The following SAMD13 variants were observed in gnomAD, a reference collection of about 807,000 sequenced individuals.
SAMD13 encodes sterile alpha motif domain containing 13, also known as sterile alpha motif domain-containing protein 13.
In SAMD13, 9 loss-of-function variants were observed where a neutral mutation model predicts 12.4. The ratio of observed to expected loss-of-function variants is 0.72; its 90% CI spans 0.44 to 1.26. SAMD13 has a LOEUF of 1.26. Among genes scored for constraint, SAMD13 ranks in the 50% most tolerant of loss-of-function variants. The pLI is 0.00. For missense variants in SAMD13, 84 were observed against 119.6 expected, an observed-to-expected ratio of 0.70 and a Z score of 1.39; for synonymous variants, 46 against 45.4, an observed-to-expected ratio of 1.01 and a Z score of -0.05.
intron 3 of SAMD13, among the ~76,000 whole-genome samples, chr1:84,343,233 G>A (rs773015995): frequency 2.0e-4 from 31 of 152,172 alleles, no homozygotes; most frequent in Non-Finnish European, 4.1e-4. Flanking sequence ...TGGAGAAATA[G>A]GAATGCTTTT....
At position 84,339,101 on chromosome 1, in the gene SAMD13, T is replaced by G. The variant is rs946071259; in HGVS notation, c.166-10530T>G. Among the ~76,000 whole-genome samples the G allele has an allele frequency of 7.9e-5, 12 of 152,340 alleles. No individual in the cohort carries two copies. In the South Asian group the frequency reaches 1.2e-3, roughly 16 times the overall value. ...GCTTTAACTTTCTCTTGAACCTCAA[T>G]GATCTTCATGCCTATCTATATTCTG... On this transcript the variant is annotated intron_variant, in intron 3 of 3. Transcript: ENST00000394834.
At chr1:84,349,508 C>T in intron 3 of SAMD13, 123 bp from the exon 4 acceptor site, 1 of 1,470,324 alleles carries the variant, frequency 6.8e-7, no homozygotes, top group South Asian at 1.5e-5. Flanking sequence ...GGCACTACTA[C>T]AAATGTAATG....
At chr1:84,333,817 G>T (rs1043041743) in intron 3 of SAMD13, among the ~76,000 whole-genome samples, 1 of 152,020 alleles carries the variant, frequency 6.6e-6, no homozygotes, top group Non-Finnish European at 1.5e-5. Context: ...TGACCTTGTG[G>T]CTTGGGGTTT....
chr1:84,345,793 A>G (rs1024826120), intron 3 of SAMD13, among the ~76,000 whole-genome samples: 1 of 152,212 alleles, frequency 6.6e-6, no homozygotes, highest in African/African-American at 2.4e-5. Context: ...CCTAGTATAG[A>G]TTAATGCTGG....
intron 2 of SAMD13, among the ~76,000 whole-genome samples, chr1:84,317,463 G>C (rs550431380): frequency 6.6e-6 from 1 of 151,804 alleles, no homozygotes; most frequent in South Asian, 2.1e-4. Flanking sequence ...TTAGACGATC[G>C]TGTGATTTTT....
intron 2 of SAMD13, among the ~76,000 whole-genome samples, chr1:84,324,525 T>G (rs1484383138): frequency 6.6e-6 from 1 of 152,200 alleles, no homozygotes; most frequent in Non-Finnish European, 1.5e-5. Context: ...TACATTTACT[T>G]GTATGATTAT....
chr1:84,342,855 T>TGGTGGG (rs1679459072), intron 3 of SAMD13, among the ~76,000 whole-genome samples: 1 of 151,896 alleles, frequency 6.6e-6, no homozygotes, highest in South Asian at 2.1e-4. Context: ...AATTGACAAA[T>TGGTGGG]GGGATCTAAT....
At chr1:84,300,160 G>C (rs549904100), upstream of SAMD13, among the ~76,000 whole-genome samples, 1 of 152,274 alleles carries the variant, frequency 6.6e-6, no homozygotes, top group African/African-American at 2.4e-5. Flanking sequence ...TAAGGAATCT[G>C]TTAGTGAAAG....
At chr1:84,346,417 A>T (rs1473802085) in intron 3 of SAMD13, among the ~76,000 whole-genome samples, 1 of 152,228 alleles carries the variant, frequency 6.6e-6, no homozygotes, top group Non-Finnish European at 1.5e-5. Flanking sequence ...ATAAAGACAC[A>T]ATCAATGTCA....
At chr1:84,309,402 A>G (rs557478113) in intron 2 of SAMD13, among the ~76,000 whole-genome samples, 2 of 152,260 alleles carry the variant, frequency 1.3e-5, no homozygotes, top group African/African-American at 4.8e-5. Context: ...CTCATTTCAA[A>G]TTTGTTGACC....
chr1:84,310,349 A>T (rs1292242901), intron 2 of SAMD13, among the ~76,000 whole-genome samples: 2 of 151,944 alleles, frequency 1.3e-5, no homozygotes, highest in Non-Finnish European at 2.9e-5. Flanking sequence ...TACTACTAAC[A>T]ATAGCTGATG....
chr1:84,330,040 T>C (rs1031889495), intron 3 of SAMD13, among the ~76,000 whole-genome samples: 1 of 152,156 alleles, frequency 6.6e-6, no homozygotes, highest in Admixed American at 6.5e-5. Flanking sequence ...CCACAGACAC[T>C]GTGGTGTGGG....
chr1:84,320,688 G>T (rs1678924289), intron 2 of SAMD13, among the ~76,000 whole-genome samples: 1 of 152,316 alleles, frequency 6.6e-6, no homozygotes, highest in South Asian at 2.1e-4. Context: ...TTGAAAATAA[G>T]TTATAAATAT....
Position 84,303,286 on chromosome 1 carries a change from A to C in SAMD13, c.52A>C (p.Asn18His), listed in dbSNP as rs765037249. 32 of 1,611,340 alleles carry C rather than the reference A, an allele frequency of 2.0e-5. No individual in the cohort carries two copies. The highest frequency in any genetic ancestry group is 2.5e-5 in the Non-Finnish European group (30 of 1,177,922). Residue 18 changes from asparagine (N) to histidine (H), a missense_variant and splice_region_variant, in exon 2 of 4, where the codon AAT becomes CAT. By Grantham distance (68) the Asn-to-His change is moderately conservative (BLOSUM62 1). Transcript: ENST00000394834. ...GGAAAATGGCTCTGTCGGTGTAAAA[A>C]AGTAAGTGAAGCTGGCTTCTGAGTT... Reference protein sequence around the residue: ...NKENGSVGVKNSMENGRPPDP... With the variant: ...NKENGSVGVKHSMENGRPPDP...
At chr1:84,322,885 T>A (rs553589431) in intron 2 of SAMD13, among the ~76,000 whole-genome samples, 32 of 152,226 alleles carry the variant, frequency 2.1e-4, no homozygotes. Flanking sequence ...TATATCCCAC[T>A]AGAATAAAAA....
At chr1:84,318,545 C>T (rs901114025) in intron 2 of SAMD13, among the ~76,000 whole-genome samples, 1 of 151,698 alleles carries the variant, frequency 6.6e-6, no homozygotes, top group African/African-American at 2.4e-5. Flanking sequence ...GATAATGTTC[C>T]ATGTATGCTT....
intron 2 of SAMD13, 32 bp from the exon 3 acceptor site, chr1:84,325,605 C>A: frequency 7.5e-7 from 1 of 1,338,858 alleles, no homozygotes; most frequent in Non-Finnish European, 1.1e-6. Flanking sequence ...GCAGGCACTG[C>A]CATGACAACT....
chr1:84,348,383 G>A (rs577141802), intron 3 of SAMD13, among the ~76,000 whole-genome samples: 1 of 152,112 alleles, frequency 6.6e-6, no homozygotes, highest in Non-Finnish European at 1.5e-5. Flanking sequence ...GGTGTGGGAG[G>A]GAGTCCGTTT....
At chr1:84,329,100 G>A (rs1468808952) in intron 3 of SAMD13, among the ~76,000 whole-genome samples, 1 of 152,026 alleles carries the variant, frequency 6.6e-6, no homozygotes, top group Non-Finnish European at 1.5e-5. Flanking sequence ...GTTTAGATGA[G>A]GTCATGAGGA....
Sources: allele counts gnomAD v4.1 joint callset (sites outside exome capture counted in the v4.1 genomes callset), GRCh38; gene constraint gnomAD v4.1.1; transcripts MANE v1.5; gene names NCBI Gene and HGNC (gene_info 2026-07-23, HGNC 2026-07-21).